The following STAG1 variants were observed in gnomAD, a reference collection of about 807,000 sequenced individuals.
STAG1 encodes STAG1 cohesin complex component, also known as cohesin subunit SA-1.
In STAG1, 26 loss-of-function variants were observed where a neutral mutation model predicts 170.9. That is an observed-to-expected ratio of 0.15 (90% CI 0.11 to 0.21). The LOEUF (loss-of-function observed/expected upper bound fraction) is 0.21, where lower values mean the gene tolerates loss of function less well. Ranked by LOEUF, STAG1 falls within the 10% of genes least tolerant of loss-of-function variation. The pLI, the probability that STAG1 is intolerant of heterozygous loss-of-function variation, is 1.00. For synonymous variants in STAG1, 514 were observed against 497.7 expected (o/e 1.03, Z -0.44); for missense variants, 964 against 1,509.5 (o/e 0.64, Z 5.99).
intron 1 of STAG1, among the ~76,000 whole-genome samples, chr3:136,703,273 A>G (rs1440454911): frequency 6.6e-6 from 1 of 152,168 alleles, no homozygotes; most frequent in East Asian, 1.9e-4. Flanking sequence ...ATTGGTTAAC[A>G]CTGGTGAATT....
intron 1 of STAG1, among the ~76,000 whole-genome samples, chr3:136,705,218 T>C (rs1943194698): frequency 6.6e-6 from 1 of 151,834 alleles, no homozygotes; most frequent in African/African-American, 2.4e-5. Flanking sequence ...TACTAAAAAA[T>C]ACAAAAAATT....
At chr3:136,589,606 C>T (rs1187595995) in intron 4 of STAG1, among the ~76,000 whole-genome samples, 1 of 139,184 alleles carries the variant, frequency 7.2e-6, no homozygotes, top group African/African-American at 2.8e-5. Flanking sequence ...CACTGCACTC[C>T]AGCCTGGGCA....
At chr3:136,435,725 A>T (rs903215237) in intron 15 of STAG1, among the ~76,000 whole-genome samples, 3 of 151,832 alleles carry the variant, frequency 2.0e-5, no homozygotes, top group African/African-American at 7.3e-5. Context: ...GCTGGAGTGC[A>T]GTGAGGCTAT....
chr3:136,340,996 C>T (rs919802334), intron 31 of STAG1, among the ~76,000 whole-genome samples: 1 of 152,154 alleles, frequency 6.6e-6, no homozygotes, highest in Non-Finnish European at 1.5e-5. Context: ...ACAACCTCCG[C>T]CTCCTGGATT....
At chr3:136,674,214 T>A (rs1431669546) in intron 1 of STAG1, among the ~76,000 whole-genome samples, 3 of 135,198 alleles carry the variant, frequency 2.2e-5, no homozygotes, top group Non-Finnish European at 3.2e-5. Flanking sequence ...AGGGAGGGAT[T>A]AATTCAAAAG....
chr3:136,738,916 A>C (rs1460817231), intron 1 of STAG1, among the ~76,000 whole-genome samples: 2 of 152,184 alleles, frequency 1.3e-5, no homozygotes, highest in Non-Finnish European at 2.9e-5. Flanking sequence ...TGTCCATTTA[A>C]AAATAAGTCA....
intron 1 of STAG1, 132 bp from the exon 2 acceptor site, chr3:136,631,113 C>T (rs1381037760): frequency 1.2e-5 from 6 of 484,266 alleles, no homozygotes; most frequent in African/African-American, 9.9e-5. Context: ...AAACCAATGT[C>T]CACAGATGTT....
At chr3:136,696,617 G>C (rs1359954408) in intron 1 of STAG1, among the ~76,000 whole-genome samples, 1 of 151,992 alleles carries the variant, frequency 6.6e-6, no homozygotes, top group Admixed American at 6.6e-5. Context: ...GTGCATATTG[G>C]GGGAGTGAAG....
At position 136,699,186 on chromosome 3, in the gene STAG1, C is replaced by T. The variant is rs1276894031; in HGVS notation, c.-84+53009G>A. ...ACCACCAAAGAATTTATCCATGTAA[C>T]GAAAAATCACCTGTACTCCCAAAAC... is the stretch of plus-strand genomic sequence containing the variant. On this transcript the variant is annotated intron_variant, in intron 1 of 33. Coordinates refer to ENST00000383202, the MANE Select transcript of STAG1 (RefSeq NM_005862.3). 3.9e-5 allele frequency among the ~76,000 whole-genome samples: 6 copies of T among 152,008 alleles called. No individual in the cohort carries two copies. The South Asian group carries it at 6.2e-4, about 16-fold the overall frequency.
intron 6 of STAG1, among the ~76,000 whole-genome samples, chr3:136,522,499 T>A (rs1934730715): frequency 6.6e-6 from 1 of 152,102 alleles, no homozygotes; most frequent in Non-Finnish European, 1.5e-5. Flanking sequence ...TGCTTCTATA[T>A]CACAAAACCC....
intron 5 of STAG1, among the ~76,000 whole-genome samples, chr3:136,543,352 T>C (rs545202039): frequency 6.0e-4 from 92 of 152,162 alleles, no homozygotes; most frequent in Admixed American, 5.9e-4. Flanking sequence ...TCCTTATCAA[T>C]ATGCACTCAG....
chr3:136,515,417 T>A (rs1934319483), intron 7 of STAG1, among the ~76,000 whole-genome samples: 1 of 152,142 alleles, frequency 6.6e-6, no homozygotes, highest in African/African-American at 2.4e-5. Flanking sequence ...CTTATGTATG[T>A]TACATATTTA....
intron 5 of STAG1, among the ~76,000 whole-genome samples, chr3:136,553,421 A>G (rs536439573): frequency 1.3e-5 from 2 of 152,348 alleles, no homozygotes; most frequent in Admixed American, 1.3e-4. Context: ...CCCTGTCAAA[A>G]TATATTCTAC....
At chr3:136,568,457 A>G (rs982507667) in intron 5 of STAG1, among the ~76,000 whole-genome samples, 3 of 152,180 alleles carry the variant, frequency 2.0e-5, no homozygotes, top group African/African-American at 7.2e-5. Context: ...ACATACAAAT[A>G]ATATGAGTAA....
chr3:136,696,173 G>A (rs1942884315), intron 1 of STAG1, among the ~76,000 whole-genome samples: 1 of 152,158 alleles, frequency 6.6e-6, no homozygotes, highest in Admixed American at 6.6e-5. Flanking sequence ...AGCTGTAACT[G>A]GTAAGTGACA....
At chr3:136,380,710 A>C (rs1937906447) in intron 22 of STAG1, among the ~76,000 whole-genome samples, 1 of 152,008 alleles carries the variant, frequency 6.6e-6, no homozygotes, top group Non-Finnish European at 1.5e-5. Context: ...TGTGGTATTA[A>C]GTCATCAAGA....
At chr3:136,602,618 A>G (rs1194888797) in intron 4 of STAG1, among the ~76,000 whole-genome samples, 1 of 152,046 alleles carries the variant, frequency 6.6e-6, no homozygotes, top group Non-Finnish European at 1.5e-5. Flanking sequence ...TGGAAGGCAG[A>G]GGTGGGTGCA....
intron 9 of STAG1, among the ~76,000 whole-genome samples, chr3:136,487,203 T>C (rs1314382818): frequency 6.6e-6 from 1 of 152,074 alleles, no homozygotes; most frequent in Non-Finnish European, 1.5e-5. Context: ...ATGTTCAGCT[T>C]CCACTTATGA....
At chr3:136,638,775 G>A (rs532217087) in intron 1 of STAG1, among the ~76,000 whole-genome samples, 1 of 152,096 alleles carries the variant, frequency 6.6e-6, no homozygotes, top group East Asian at 1.9e-4. Flanking sequence ...GGTAGCATGC[G>A]CCCGTAATCC....
Sources: gnomAD v4.1 joint callset for allele counts (sites outside exome capture counted in the v4.1 genomes callset) on GRCh38, gnomAD v4.1.1 for gene constraint, MANE v1.5 for transcripts, NCBI Gene and HGNC (gene_info 2026-07-23, HGNC 2026-07-21) for gene names.